Variants in CSMD3 observed in about 807,000 individuals in gnomAD.
CSMD3 encodes the protein CUB and Sushi multiple domains 3, also known as CUB and sushi domain-containing protein 3.
Under a neutral mutation model 435.2 loss-of-function variants are expected in CSMD3, and 177 were observed. That is an observed-to-expected ratio of 0.41 (90% CI 0.36 to 0.46). The LOEUF (loss-of-function observed/expected upper bound fraction) is 0.46. Ranked by LOEUF, CSMD3 falls within the 20% of genes least tolerant of loss-of-function variation. CSMD3 has a pLI of 0.34. For missense variants in CSMD3, 4,265 were observed against 4,504.6 expected, an observed-to-expected ratio of 0.95 and a Z score of 1.52; for synonymous variants, 1,656 against 1,520.5, an observed-to-expected ratio of 1.09 and a Z score of -2.07.
chr8:112,765,655 G>A (rs2077960069), intron 13 of CSMD3, among the ~76,000 whole-genome samples: 1 of 151,668 alleles, frequency 6.6e-6, no homozygotes, highest in East Asian at 1.9e-4. Flanking sequence ...GCCTTACCAT[G>A]GCTAAGTTCT....
intron 4 of CSMD3, among the ~76,000 whole-genome samples, chr8:113,163,561 G>A (rs1198758668): frequency 1.3e-5 from 2 of 151,790 alleles, no homozygotes; most frequent in Non-Finnish European, 2.9e-5. Flanking sequence ...TAGAAATTAG[G>A]CATCCATTAA....
chr8:112,244,282 G>A, intron 65 of CSMD3, 112 bp downstream of exon 65: 1 of 862,932 alleles, frequency 1.2e-6, no homozygotes, highest in South Asian at 1.4e-5. Context: ...CTTGGAGTTA[G>A]CCAACAAATT....
At chr8:112,910,615 C>G (rs561390869) in intron 10 of CSMD3, among the ~76,000 whole-genome samples, 4 of 151,808 alleles carry the variant, frequency 2.6e-5, no homozygotes, top group Non-Finnish European at 5.9e-5. Context: ...TGGCTCAGAT[C>G]TCACCTGTAT....
chr8:112,918,454 G>A (rs1457878679), intron 10 of CSMD3, among the ~76,000 whole-genome samples: 2 of 151,624 alleles, frequency 1.3e-5, no homozygotes, highest in East Asian at 3.9e-4. Flanking sequence ...TTTTTCTTCA[G>A]TCTATTATTA....
chr8:112,488,309 T>C (rs1820337711), intron 31 of CSMD3, among the ~76,000 whole-genome samples: 1 of 152,160 alleles, frequency 6.6e-6, no homozygotes. Flanking sequence ...TTATATAAAT[T>C]AAGGTGTTAC....
chr8:113,428,248 C>G (rs1249953910), intron 1 of CSMD3, among the ~76,000 whole-genome samples: 3 of 150,850 alleles, frequency 2.0e-5, no homozygotes, highest in Non-Finnish European at 3.0e-5. Context: ...ATCTATCTAT[C>G]TATCTATCTA....
chr8:113,236,878 A>G (rs949778898), intron 3 of CSMD3, among the ~76,000 whole-genome samples: 1 of 152,004 alleles, frequency 6.6e-6, no homozygotes, highest in Non-Finnish European at 1.5e-5. Flanking sequence ...TCTATCTCCT[A>G]TTGGTTCTGG....
intron 59 of CSMD3, among the ~76,000 whole-genome samples, chr8:112,269,819 C>A (rs779772136): frequency 6.6e-6 from 1 of 152,126 alleles, no homozygotes; most frequent in Non-Finnish European, 1.5e-5. Flanking sequence ...TGCCAAATAT[C>A]TTTTTCTTCT....
chr8:113,059,527 T>C (rs2088508134), intron 5 of CSMD3, among the ~76,000 whole-genome samples: 1 of 152,168 alleles, frequency 6.6e-6, no homozygotes. Flanking sequence ...CATGCTAATA[T>C]TTTCACAAAC....
At chr8:112,365,713 C>A (rs529109847) in intron 38 of CSMD3, among the ~76,000 whole-genome samples, 17 of 151,944 alleles carry the variant, frequency 1.1e-4, no homozygotes, top group Non-Finnish European at 2.1e-4. Flanking sequence ...GAACAACGCA[C>A]CCAAACAATC....
intron 4 of CSMD3, among the ~76,000 whole-genome samples, chr8:113,115,853 G>T (rs1425940400): frequency 1.3e-5 from 2 of 152,116 alleles, no homozygotes; most frequent in Admixed American, 1.3e-4. Context: ...AGGACAGGGG[G>T]CCCTTTTGTA....
At chr8:113,404,704 A>G (rs1588670652) in intron 1 of CSMD3, among the ~76,000 whole-genome samples, 1 of 151,426 alleles carries the variant, frequency 6.6e-6, no homozygotes, top group African/African-American at 2.4e-5. Flanking sequence ...ATGTACACAG[A>G]TGTACACTCC....
intron 63 of CSMD3, among the ~76,000 whole-genome samples, chr8:112,250,975 T>C (rs1455211423): frequency 2.0e-5 from 3 of 151,762 alleles, no homozygotes; most frequent in Non-Finnish European, 1.5e-5. Context: ...AAAATTTATA[T>C]AGCAAATAAT....
chr8:112,536,547 A>G (rs1404226478), intron 27 of CSMD3, among the ~76,000 whole-genome samples: 5 of 152,206 alleles, frequency 3.3e-5, no homozygotes, highest in African/African-American at 1.2e-4. Flanking sequence ...GTGGAGAAAT[A>G]GGAACACTTT....
At chr8:112,437,941 T>A (rs188365868) in intron 32 of CSMD3, among the ~76,000 whole-genome samples, 1 of 152,210 alleles carries the variant, frequency 6.6e-6, no homozygotes, top group East Asian at 1.9e-4. Context: ...TACCTAGCAC[T>A]TGAGGATACA....
At chr8:113,085,364 G>A (rs956900630) in intron 5 of CSMD3, among the ~76,000 whole-genome samples, 12 of 151,944 alleles carry the variant, frequency 7.9e-5, no homozygotes, top group African/African-American at 2.9e-4. Flanking sequence ...TATAAAAAAC[G>A]GTATGAAGTT....
At chr8:113,262,088 G>T (rs756603745) in intron 3 of CSMD3, among the ~76,000 whole-genome samples, 1 of 151,958 alleles carries the variant, frequency 6.6e-6, no homozygotes, top group South Asian at 2.1e-4. Flanking sequence ...TTACAAAGAA[G>T]AAATATATAT....
At chr8:113,377,899 CGAG>C (rs1563762818) in intron 1 of CSMD3, among the ~76,000 whole-genome samples, 1 of 151,960 alleles carries the variant, frequency 6.6e-6, no homozygotes, top group Non-Finnish European at 1.5e-5. Context: ...AAAAAATAAA[CGAG>C]GAGCACGCCT....
intron 7 of CSMD3, among the ~76,000 whole-genome samples, chr8:112,956,233 T>C (rs939260576): frequency 2.6e-5 from 4 of 152,032 alleles, no homozygotes; most frequent in Non-Finnish European, 5.9e-5. Context: ...TCTTTAACTG[T>C]GAATCCTTAT....
Sources: gnomAD v4.1 joint callset for allele counts (sites outside exome capture counted in the v4.1 genomes callset) on GRCh38, gnomAD v4.1.1 for gene constraint, MANE v1.5 for transcripts, NCBI Gene and HGNC (gene_info 2026-07-23, HGNC 2026-07-21) for gene names.